The following RBMS3 variants were observed in gnomAD, a reference collection of about 807,000 sequenced individuals.
RBMS3 encodes RNA-binding motif, single-stranded-interacting protein 3.
In RBMS3, 27 loss-of-function variants were observed where a neutral mutation model predicts 66.8. The observed-to-expected ratio is 0.40, with a 90% CI of 0.30 to 0.56. The LOEUF (loss-of-function observed/expected upper bound fraction) is 0.56, where lower values mean the gene tolerates loss of function less well. Ranked by LOEUF, RBMS3 falls within the 20% of genes least tolerant of loss-of-function variation. The probability of loss-of-function intolerance (pLI) is 0.40; values close to 1 mark genes in which losing one functional copy is unlikely to be tolerated. For missense variants in RBMS3, 513 were observed against 549.5 expected (o/e 0.93, Z 0.66); for synonymous variants, 188 against 183.0 (o/e 1.03, Z -0.22).
chr3:29,766,665 C>T (rs1237449081), intron 6 of RBMS3: 1 of 151,842 alleles, frequency 6.6e-6, no homozygotes, highest in African/African-American at 2.4e-5. Flanking sequence ...TTTAGCATAT[C>T]CCAGAACTAC....
intron 1 of RBMS3, among the ~76,000 whole-genome samples, chr3:29,387,316 A>G (rs2039054647): frequency 6.6e-6 from 1 of 151,930 alleles, no homozygotes; most frequent in Admixed American, 6.6e-5. Flanking sequence ...TTTTCCCCAA[A>G]CCTGCTTTAC....
chr3:29,343,080 A>G (rs1207736180), intron 1 of RBMS3, among the ~76,000 whole-genome samples: 4 of 152,168 alleles, frequency 2.6e-5, no homozygotes, highest in South Asian at 2.1e-4. Flanking sequence ...TTGTATCTGT[A>G]TACATAAAAC....
chr3:29,547,582 C>T (rs2046008597), intron 3 of RBMS3, among the ~76,000 whole-genome samples: 1 of 151,698 alleles, frequency 6.6e-6, no homozygotes, highest in African/African-American at 2.4e-5. Flanking sequence ...TTAATTTTTT[C>T]ATATTGCTGA....
intron 4 of RBMS3, among the ~76,000 whole-genome samples, chr3:29,702,815 G>A (rs2052687691): frequency 1.3e-5 from 2 of 152,146 alleles, no homozygotes; most frequent in African/African-American, 4.8e-5. Flanking sequence ...ACGTCCGAAC[G>A]TCAGAAGGAA....
intron 8 of RBMS3, among the ~76,000 whole-genome samples, chr3:29,892,243 T>G (rs1314505418): frequency 6.6e-6 from 1 of 151,542 alleles, no homozygotes; most frequent in Non-Finnish European, 1.5e-5. Context: ...TAGACTTCCG[T>G]GGATCACACT....
At chr3:29,314,867 T>G (rs536718709) in intron 1 of RBMS3, among the ~76,000 whole-genome samples, 1 of 151,790 alleles carries the variant, frequency 6.6e-6, no homozygotes, top group African/African-American at 2.4e-5. Flanking sequence ...AAAAATGTCA[T>G]GTGCCTTTGC....
intron 4 of RBMS3, among the ~76,000 whole-genome samples, chr3:29,623,690 T>C (rs2048959009): frequency 6.6e-6 from 1 of 151,998 alleles, no homozygotes; most frequent in African/African-American, 2.4e-5. Context: ...TAAAAGATTA[T>C]AATTGAAAGT....
intron 1 of RBMS3, among the ~76,000 whole-genome samples, chr3:29,322,228 C>T (rs996346159): frequency 1.3e-5 from 2 of 151,952 alleles, no homozygotes; most frequent in African/African-American, 4.8e-5. Context: ...ACTGTATCCC[C>T]ATGAAAAGCC....
chr3:29,440,401 A>G (rs2041573738), intron 2 of RBMS3, among the ~76,000 whole-genome samples: 1 of 152,200 alleles, frequency 6.6e-6, no homozygotes, highest in Non-Finnish European at 1.5e-5. Flanking sequence ...TAAAGTAAAC[A>G]TGCCGCTGCT....
chr3:29,740,553 A>G (rs533774659), intron 5 of RBMS3, among the ~76,000 whole-genome samples: 1 of 152,356 alleles, frequency 6.6e-6, no homozygotes, highest in East Asian at 1.9e-4. Context: ...GAGTTTAAAT[A>G]GTTGTACCTG....
intron 3 of RBMS3, among the ~76,000 whole-genome samples, chr3:29,496,797 C>T (rs1011234670): frequency 4.6e-5 from 7 of 152,156 alleles, no homozygotes; most frequent in Admixed American, 2.0e-4. Flanking sequence ...TACAGCTACA[C>T]GTTTTTCAGC....
At chr3:29,628,640 T>TATA in intron 4 of RBMS3, among the ~76,000 whole-genome samples, 1 of 152,150 alleles carries the variant, frequency 6.6e-6, no homozygotes, top group Non-Finnish European at 1.5e-5. Context: ...TTATTCATGT[T>TATA]CATCAGTATA....
chr3:29,566,395 G>A (rs1444091362), intron 3 of RBMS3, among the ~76,000 whole-genome samples: 2 of 152,090 alleles, frequency 1.3e-5, no homozygotes, highest in Non-Finnish European at 2.9e-5. Flanking sequence ...TAAAGCAGTA[G>A]AAGAGTAGCA....
At chr3:29,305,098 C>T (rs2033921699) in intron 1 of RBMS3, among the ~76,000 whole-genome samples, 1 of 151,864 alleles carries the variant, frequency 6.6e-6, no homozygotes, top group South Asian at 2.1e-4. Flanking sequence ...AGCCCCAGGA[C>T]CTTGGCAAGA....
At chr3:29,530,230 T>A (rs1360075362) in intron 3 of RBMS3, among the ~76,000 whole-genome samples, 2 of 152,182 alleles carry the variant, frequency 1.3e-5, no homozygotes, top group African/African-American at 4.8e-5. Context: ...TTTATAAAAT[T>A]CATATTTGTG....
intron 12 of RBMS3, 142 bp from the exon 13 acceptor site, chr3:29,988,001 T>G: frequency 1.6e-6 from 1 of 644,842 alleles, no homozygotes. Context: ...AGGAGCTGCC[T>G]TATTTTTAGT....
At chr3:29,830,695 CAGT>C (rs902046071) in intron 6 of RBMS3, among the ~76,000 whole-genome samples, 2 of 152,100 alleles carry the variant, frequency 1.3e-5, no homozygotes, top group African/African-American at 4.8e-5. Context: ...TCTACTCAGA[CAGT>C]AGAAGTTTTA....
intron 12 of RBMS3, among the ~76,000 whole-genome samples, chr3:29,964,027 T>C (rs1696660365): frequency 6.6e-6 from 1 of 152,172 alleles, no homozygotes; most frequent in Non-Finnish European, 1.5e-5. Context: ...AAAAATTTTA[T>C]TGGAACACAT....
Position 29,868,893 on chromosome 3 carries a change from G to A in RBMS3, c.673G>A (p.Gly225Arg), listed in dbSNP as rs761576159. 6.2e-7 allele frequency: 1 copy of A among 1,604,104 alleles called. No homozygotes were observed. The highest frequency in any genetic ancestry group is 8.5e-7 in the Non-Finnish European group (1 of 1,174,684). The change falls in exon 7 of 15, where the codon GGA becomes AGA. Residue 225 changes from glycine (G) to arginine (R), a missense_variant. By Grantham distance (125) the Gly-to-Arg change is moderately radical. Transcript: ENST00000383767. ...SEPLLCKFAD[G>R]GQKKRQNQSK... ...GCCTTTGCTGTGCAAATTCGCTGAT[G>A]GAGGACAAAAGAAGCGACAGAATCA...
Sources: gnomAD v4.1 joint callset for allele counts (sites outside exome capture counted in the v4.1 genomes callset) on GRCh38, gnomAD v4.1.1 for gene constraint, MANE v1.5 for transcripts, NCBI Gene and HGNC (gene_info 2026-07-23, HGNC 2026-07-21) for gene names.